MED1: variants seen among roughly 807,000 people sequenced by gnomAD.
The protein encoded by MED1 is mediator of RNA polymerase II transcription subunit 1.
In MED1, 17 loss-of-function variants were observed where a neutral mutation model predicts 121.3. The observed-to-expected ratio is 0.14, with a 90% CI of 0.10 to 0.21. The LOEUF (loss-of-function observed/expected upper bound fraction) is 0.21, where lower values mean the gene tolerates loss of function less well. Ranked by LOEUF, MED1 falls within the 10% of genes least tolerant of loss-of-function variation. MED1 has a pLI of 1.00. For missense variants in MED1, 1,558 were observed against 1,919.4 expected, an observed-to-expected ratio of 0.81 and a Z score of 3.52; for synonymous variants, 661 against 694.4, an observed-to-expected ratio of 0.95 and a Z score of 0.76.
Position 39,419,734 on chromosome 17 carries a change from C to A in MED1, c.1280G>T (p.Arg427Ile), listed in dbSNP as rs1478141800. ...YNTLIGSCVK[R>I]TILKEDSPGL... ...GGCAGTACCTTCTTTCAGAATAGTT[C>A]TTTTGACACAGCTTCCAATGAGGGT... Residue 427 changes from arginine (R) to isoleucine (I), a missense_variant, in exon 14 of 17, where the codon AGA becomes ATA. Physicochemically the swap from Arg to Ile is moderately conservative, Grantham distance 97. Coordinates refer to ENST00000300651, the MANE Select transcript of MED1 (RefSeq NM_004774.4). 6.2e-7 allele frequency: 1 copy of A among 1,612,780 alleles called. No individual in the cohort carries two copies. Among genetic ancestry groups the A allele is most frequent in the Non-Finnish European group, 8.5e-7 (1 of 1,178,978 alleles).
chr17:39,422,062 A>G (rs1297865160), intron 13 of MED1, among the ~76,000 whole-genome samples: 4 of 144,588 alleles, frequency 2.8e-5, no homozygotes, highest in African/African-American at 7.7e-5. Flanking sequence ...CGGGAGGTGG[A>G]GTTTGCAGTG....
chr17:39,442,598 G>GAA (rs34492410), intron 3 of MED1, among the ~76,000 whole-genome samples: 11 of 65,804 alleles, frequency 1.7e-4, no homozygotes, highest in East Asian at 4.5e-4. Context: ...CACCGTCTCG[G>GAA]AAAAAAAAAA....
chr17:39,406,234 C>T lies in MED1; in HGVS notation c.*1241G>A, dbSNP rs2048302453. The T allele has an allele frequency of 1.0e-6, 1 of 985,428 alleles. No individual in the cohort carries two copies. Among genetic ancestry groups the T allele is most frequent in the African/African-American group, 1.7e-5 (1 of 57,216 alleles). 61.0% of individuals were successfully genotyped at this position (985,428 alleles called of 1,614,324 possible). The stretch of plus-strand genomic sequence containing the variant: ...ATGCTCACCTAGCATTCCAGGCCCC[C>T]ATTACTTCAAAAGTGAGCTTGAAAT... On this transcript the variant is annotated 3_prime_UTR_variant, in exon 17 of 17. Coordinates refer to ENST00000300651, the MANE Select transcript of MED1 (RefSeq NM_004774.4).
intron 7 of MED1, among the ~76,000 whole-genome samples, chr17:39,433,561 TC>T (rs1260093411): frequency 6.7e-6 from 1 of 149,188 alleles, no homozygotes; most frequent in Non-Finnish European, 1.5e-5. Flanking sequence ...ACATATTTTT[TC>T]TTTTTTTTTG....
chr17:39,444,081 G>A (rs533081032), intron 2 of MED1, among the ~76,000 whole-genome samples: 82 of 152,162 alleles, frequency 5.4e-4, no homozygotes, highest in Non-Finnish European at 1.0e-3. Context: ...CTGTGGAAGT[G>A]ACCACATGCT....
At chr17:39,423,199 A>G (rs929078716) in intron 13 of MED1, 128 bp downstream of exon 13, 2 of 742,756 alleles carry the variant, frequency 2.7e-6, no homozygotes, top group Admixed American at 2.3e-5. Context: ...CTGCCTTACT[A>G]AAGAAATAGG....
At chr17:39,430,279 G>T (rs2048553497) in intron 9 of MED1, among the ~76,000 whole-genome samples, 3 of 152,062 alleles carry the variant, frequency 2.0e-5, no homozygotes, top group Admixed American at 6.6e-5. Context: ...CAGCTACTCG[G>T]GAGGCTGAGG....
chr17:39,409,925 T>C lies in MED1; in HGVS notation c.2296A>G (p.Met766Val), dbSNP rs2048340279. ...VPHPQPSIQR[M>V]VRLSSSDSIG... Reference sequence around the variant, plus strand: ...CTGTCTGAACTGGATAGTCGGACCATCCTTTGAATACTGGGTTGGGGGTGA... The same window carrying C: ...CTGTCTGAACTGGATAGTCGGACCACCCTTTGAATACTGGGTTGGGGGTGA... The change falls in exon 17 of 17, where the codon ATG (methionine) becomes GTG (valine). Residue 766 changes from methionine to valine, a missense_variant. Physicochemically the swap from Met to Val is conservative, Grantham distance 21. Coordinates refer to ENST00000300651, the MANE Select transcript of MED1 (RefSeq NM_004774.4). 6.2e-7 allele frequency: 1 copy of C among 1,614,020 alleles called. No individual in the cohort carries two copies. The highest frequency in any genetic ancestry group is 8.5e-7 in the Non-Finnish European group (1 of 1,180,034).
In MED1 at chr17:39,432,590, T is replaced by C. The variant is rs1307398172; in HGVS notation, c.501-574A>G. On this transcript the variant is annotated intron_variant, in intron 7 of 16. Transcript: ENST00000300651. Reference sequence around the variant, plus strand: ...CGGTGAAACCCCGTCTCTAATAAAATACAAAAAAAAAAAATTAGCCAGGCG... The same window carrying C: ...CGGTGAAACCCCGTCTCTAATAAAACACAAAAAAAAAAAATTAGCCAGGCG... Among the ~76,000 whole-genome samples the C allele has an allele frequency of 5.2e-5, 7 of 135,892 alleles. No homozygotes were observed. In the South Asian group the frequency reaches 9.2e-4, roughly 18 times the overall value. The allele number at this position is 135,892 out of a possible 152,430, so 89.2% of individuals were successfully genotyped here. A position where few individuals can be genotyped will look rare whatever the true frequency, so the allele number is the denominator to read the frequency against.
chr17:39,438,936 A>G (rs752972235), intron 6 of MED1, among the ~76,000 whole-genome samples: 11 of 152,168 alleles, frequency 7.2e-5, no homozygotes, highest in Non-Finnish European at 1.3e-4. Context: ...GCAATAGAGC[A>G]AGACTCCATC....
intron 8 of MED1, 40 bp from the exon 9 acceptor site, chr17:39,431,228 C>T (rs764759533): frequency 1.3e-6 from 2 of 1,514,148 alleles, no homozygotes; most frequent in South Asian, 2.3e-5. Flanking sequence ...TATTTAATCC[C>T]TGATGGTCTT....
rs1207345681 is a variant in MED1, at chr17:39,440,244, G to C, written c.399+142C>G. 3.8e-6 allele frequency: 3 copies of C among 787,294 alleles called. No individual in the cohort carries two copies. The highest frequency in any genetic ancestry group is 5.8e-6 in the Non-Finnish European group (3 of 518,942). 48.8% of individuals were successfully genotyped at this position (787,294 alleles called of 1,614,324 possible). A position where few individuals can be genotyped will look rare whatever the true frequency, so the allele number is the denominator to read the frequency against. On this transcript the variant is annotated intron_variant, in intron 5 of 16. Coordinates refer to ENST00000300651, the MANE Select transcript of MED1 (RefSeq NM_004774.4). The surrounding 1 kb of genome is among the most constrained non-coding windows in gnomAD (Gnocchi z 4.1). ...TTCTAAATCCCATTCTATAGCTGTT[G>C]ATTTTGTAGCCCATCACATCATCTC...
Position 39,440,730 on chromosome 17 carries a change from G to A in MED1, c.212-53C>T. The A allele has an allele frequency of 6.7e-7, 1 of 1,485,876 alleles. No homozygotes were observed. The highest frequency in any genetic ancestry group is 1.9e-5 in the Admixed American group (1 of 53,374). 92.0% of individuals were successfully genotyped at this position (1,485,876 alleles called of 1,614,324 possible). A position where few individuals can be genotyped will look rare whatever the true frequency, so the allele number is the denominator to read the frequency against. On this transcript the variant is annotated intron_variant, in intron 3 of 16. Transcript: ENST00000300651. The surrounding 1 kb of genome is among the most constrained non-coding windows in gnomAD (Gnocchi z 4.1). ...AAAGAATGCTCCAAATGACTTAAATGATATTCTTTTAAGACAGAAAGATTC... is the reference window on the plus strand; with the variant it reads ...AAAGAATGCTCCAAATGACTTAAATAATATTCTTTTAAGACAGAAAGATTC...
intron 11 of MED1, 129 bp downstream of exon 11, chr17:39,424,498 C>G (rs916507329): frequency 1.4e-5 from 9 of 622,454 alleles, no homozygotes; most frequent in African/African-American, 1.3e-4. Flanking sequence ...AAAAGAGAAA[C>G]CAATGAATGG....
chr17:39,418,695 G>T (rs1318951932), intron 14 of MED1, among the ~76,000 whole-genome samples: 1 of 152,060 alleles, frequency 6.6e-6, no homozygotes, highest in African/African-American at 2.4e-5. Flanking sequence ...CTACAGACTG[G>T]TTCCATCAAA....
At chr17:39,426,823 C>T (rs2048519331) in intron 10 of MED1, among the ~76,000 whole-genome samples, 2 of 152,076 alleles carry the variant, frequency 1.3e-5, no homozygotes, top group South Asian at 2.1e-4. Flanking sequence ...CATGAGCCAC[C>T]GCGCCCGGCA....
At chr17:39,438,720 G>C (rs546886718) in intron 6 of MED1, among the ~76,000 whole-genome samples, 6 of 152,198 alleles carry the variant, frequency 3.9e-5, no homozygotes, top group African/African-American at 1.4e-4. Context: ...GGATCCACCT[G>C]CCTCAGCCTC....
chr17:39,427,587 G>A lies in MED1; in HGVS notation c.739+114C>T, dbSNP rs1475624262. On this transcript the variant is annotated intron_variant, in intron 10 of 16. Coordinates refer to ENST00000300651, the MANE Select transcript of MED1 (RefSeq NM_004774.4). ...CATATACGTGTGTGAGGTGTTGTGT[G>A]TATAAGGTGCAAATGGTAAGGTCAA... The A allele has an allele frequency of 1.6e-5, 11 of 679,852 alleles. No homozygotes were observed. In the African/African-American group the frequency reaches 2.0e-4, roughly 12 times the overall value. 42.1% of individuals were successfully genotyped at this position (679,852 alleles called of 1,614,324 possible). A position where few individuals can be genotyped will look rare whatever the true frequency, so the allele number is the denominator to read the frequency against.
At chr17:39,450,828 T>G (rs528527997) in intron 1 of MED1, among the ~76,000 whole-genome samples, 1 of 152,250 alleles carries the variant, frequency 6.6e-6, no homozygotes, top group East Asian at 1.9e-4. Context: ...GCATGAAATC[T>G]TCACAGAAGT....
Sources: allele counts gnomAD v4.1 joint callset (sites outside exome capture counted in the v4.1 genomes callset), GRCh38; gene constraint gnomAD v4.1.1; non-coding constraint Gnocchi (gnomAD v3.1); transcripts MANE v1.5; gene names NCBI Gene and HGNC (gene_info 2026-07-23, HGNC 2026-07-21).